VWA3B: variants seen among roughly 807,000 people sequenced by gnomAD.
The protein encoded by VWA3B is von Willebrand factor A domain containing 3B.
VWA3B carries 138 observed loss-of-function variants against 158.3 expected under a neutral mutation model. The observed-to-expected ratio is 0.87, with a 90% CI of 0.76 to 1.00. The LOEUF (loss-of-function observed/expected upper bound fraction) is 1.00. Among genes scored for constraint, VWA3B ranks in the 50% least tolerant of loss-of-function variants. VWA3B has a pLI of 0.00. For missense variants in VWA3B, 1,555 were observed against 1,565.1 expected (o/e 0.99, Z 0.11); for synonymous variants, 596 against 587.3 (o/e 1.01, Z -0.21).
chr2:98,182,093 G>A (rs1241455963), intron 9 of VWA3B, among the ~76,000 whole-genome samples: 1 of 152,268 alleles, frequency 6.6e-6, no homozygotes. Flanking sequence ...ATGCTGTGAA[G>A]TGAACCTAAA....
At chr2:98,228,796 C>G (rs1685123350) in intron 15 of VWA3B, 1 of 152,506 alleles carries the variant, frequency 6.6e-6, no homozygotes, top group Non-Finnish European at 1.5e-5. Flanking sequence ...CCTGTCTGCC[C>G]CCATCCTATA....
chr2:98,090,204 A>G (rs1682178144), intron 1 of VWA3B, among the ~76,000 whole-genome samples: 1 of 152,216 alleles, frequency 6.6e-6, no homozygotes, highest in Non-Finnish European at 1.5e-5. Flanking sequence ...ACTTTCTTTC[A>G]GCTCCAGTCT....
rs904486758 is a variant in VWA3B, at chr2:98,087,284, T to A, written c.-112T>A. 1.3e-5 allele frequency: 2 copies of A among 152,100 alleles called. No homozygotes were observed. Among genetic ancestry groups the A allele is most frequent in the Admixed American group, 1.3e-4 (2 of 15,270 alleles). The allele number at this position is 152,100 out of a possible 1,614,324, so 9.4% of individuals were successfully genotyped here. On this transcript the variant is annotated 5_prime_UTR_variant, in exon 1 of 28. Transcript: ENST00000477737. ...CGGGATGCTTACCTCGCCCGCCCTCTCGGGTCAGGCGGGCCCGGGAGGATG... is the reference window on the plus strand; with the variant it reads ...CGGGATGCTTACCTCGCCCGCCCTCACGGGTCAGGCGGGCCCGGGAGGATG...
intron 12 of VWA3B, among the ~76,000 whole-genome samples, chr2:98,198,959 C>T (rs760552387): frequency 1.2e-4 from 18 of 151,960 alleles, no homozygotes; most frequent in Non-Finnish European, 1.9e-4. Context: ...TGGTGGTGTG[C>T]GCCTGTAGTA....
rs148031590 is a variant in VWA3B, at chr2:98,223,666, G to A, written c.2020-4536G>A. 2.7e-3 allele frequency among the ~76,000 whole-genome samples: 409 copies of A among 152,250 alleles called. 2 individuals carry two copies. The highest frequency in any genetic ancestry group is 9.3e-3 in the African/African-American group (388 of 41,554). On this transcript the variant is annotated intron_variant, in intron 14 of 27. Coordinates refer to ENST00000477737, the MANE Select transcript of VWA3B (RefSeq NM_144992.5). ...AAAGAAGCCAGGGGGAAAATGGCACGATAGTTTTCAAGTATGAAAGGAAAG... is the reference window on the plus strand; with the variant it reads ...AAAGAAGCCAGGGGGAAAATGGCACAATAGTTTTCAAGTATGAAAGGAAAG...
intron 7 of VWA3B, among the ~76,000 whole-genome samples, chr2:98,136,168 C>G (rs997525277): frequency 1.3e-5 from 2 of 152,164 alleles, no homozygotes; most frequent in African/African-American, 4.8e-5. Context: ...ACCCCATGCT[C>G]TGTACCAATA....
chr2:98,212,206 A>T, intron 13 of VWA3B, 178 bp downstream of exon 13: 1 of 540,320 alleles, frequency 1.9e-6, no homozygotes, highest in South Asian at 2.7e-5. Flanking sequence ...TGTCTCTGGA[A>T]ACTCTGAGGA....
chr2:98,140,919 A>T (rs1676731818), intron 7 of VWA3B, among the ~76,000 whole-genome samples: 1 of 152,154 alleles, frequency 6.6e-6, no homozygotes, highest in South Asian at 2.1e-4. Context: ...TTGGGGTCTC[A>T]GTTTCCCCTG....
intron 7 of VWA3B, among the ~76,000 whole-genome samples, chr2:98,161,068 G>C (rs1573942875): frequency 6.6e-6 from 1 of 152,142 alleles, no homozygotes; most frequent in Non-Finnish European, 1.5e-5. Flanking sequence ...AGTCTCCTGG[G>C]GTGCCCCGTA....
At position 98,233,960 on chromosome 2, in the gene VWA3B, C is replaced by G. The variant is rs560882269; in HGVS notation, c.2309-688C>G. On this transcript the variant is annotated intron_variant, in intron 16 of 27. Coordinates refer to ENST00000477737, the MANE Select transcript of VWA3B (RefSeq NM_144992.5). ...CATTGTCCTCTAAAGCACACAGATT[C>G]AAGGTCAATATTTGCTAAGTTGTCA... Among the ~76,000 whole-genome samples, 12 of 152,308 alleles carry G rather than the reference C, an allele frequency of 7.9e-5. 1 individual carries two copies. In the South Asian group the frequency reaches 1.9e-3, roughly 24 times the overall value.
At chr2:98,128,442 G>A (rs370422241) in intron 6 of VWA3B, 34 bp downstream of exon 6, 45 of 1,603,282 alleles carry the variant, frequency 2.8e-5, no homozygotes, top group Non-Finnish European at 3.8e-5. Context: ...GTGACAGCAA[G>A]CGGGTTGCCT....
intron 23 of VWA3B, among the ~76,000 whole-genome samples, chr2:98,294,971 G>T (rs552384520): frequency 6.6e-6 from 1 of 152,184 alleles, no homozygotes; most frequent in Non-Finnish European, 1.5e-5. Flanking sequence ...TCCATGGAAA[G>T]AGTTTTTCTG....
intron 5 of VWA3B, among the ~76,000 whole-genome samples, chr2:98,123,578 G>A (rs368961099): frequency 7.2e-5 from 11 of 152,202 alleles, no homozygotes; most frequent in Non-Finnish European, 1.3e-4. Flanking sequence ...ATGCTGGCTC[G>A]ACACATAGCA....
rs748180130 is a variant in VWA3B at position 98,177,564 on chromosome 2, CT to C, written c.1115-3441del. ...CACTGGAAGTTAAAAGATTTCCCTCCTTTTTTTTTTTCTCCTTTCTTTAGCT... is the reference window on the plus strand; with the variant it reads ...CACTGGAAGTTAAAAGATTTCCCTCCTTTTTTTTTTCTCCTTTCTTTAGCT... On this transcript the variant is annotated intron_variant, in intron 8 of 27. Transcript: ENST00000477737. Among the ~76,000 whole-genome samples the C allele has an allele frequency of 6.1e-3, 897 of 147,358 alleles. 8 individuals are homozygous for C. The highest frequency in any genetic ancestry group is 0.018 in the African/African-American group (739 of 40,376).
At chr2:98,191,611 C>T (rs571270521) in intron 10 of VWA3B, among the ~76,000 whole-genome samples, 27 of 152,144 alleles carry the variant, frequency 1.8e-4, no homozygotes, top group African/African-American at 6.3e-4. Context: ...TACTTGTTGC[C>T]CCATATATTA....
chr2:98,176,738 GCC>G (rs997631296), intron 8 of VWA3B, among the ~76,000 whole-genome samples: 1 of 152,170 alleles, frequency 6.6e-6, no homozygotes, highest in Admixed American at 6.5e-5. Flanking sequence ...AAGCCCCACT[GCC>G]CATTCCCCTA....
intron 22 of VWA3B, among the ~76,000 whole-genome samples, chr2:98,276,407 G>T (rs1303920368): frequency 1.3e-5 from 2 of 152,192 alleles, no homozygotes; most frequent in Non-Finnish European, 2.9e-5. Context: ...CATTTTTCCT[G>T]ATTTATATGT....
chr2:98,325,958 T>C, the VWA3B span, among the ~76,000 whole-genome samples: 1 of 152,180 alleles, frequency 6.6e-6, no homozygotes, highest in African/African-American at 2.4e-5. Flanking sequence ...TTCCAATAAA[T>C]TTAAAAGAAT....
At chr2:98,226,439 TTAAATC>T (rs1334293326) in intron 14 of VWA3B, among the ~76,000 whole-genome samples, 1 of 152,204 alleles carries the variant, frequency 6.6e-6, no homozygotes, top group Non-Finnish European at 1.5e-5. Context: ...GAGTGTGGAC[TTAAATC>T]TAAAACATAA....
Sources: allele counts gnomAD v4.1 joint callset (sites outside exome capture counted in the v4.1 genomes callset), GRCh38; gene constraint gnomAD v4.1.1; transcripts MANE v1.5; gene names NCBI Gene and HGNC (gene_info 2026-07-23, HGNC 2026-07-21).